HLA-DQB2: variants seen among roughly 807,000 people sequenced by gnomAD.
HLA-DQB2 encodes major histocompatibility complex, class II, DQ beta 2.
A neutral mutation model predicts 29.2 loss-of-function variants in HLA-DQB2; 24 were observed. The ratio of observed to expected loss-of-function variants is 0.82; its 90% confidence interval spans 0.60 to 1.16. The LOEUF is 1.16. Ranked by LOEUF, HLA-DQB2 falls within the 50% of genes most tolerant of loss-of-function variation. The pLI is 0.00. For missense variants in HLA-DQB2, 273 were observed against 343.6 expected (o/e 0.79, Z 1.62); for synonymous variants, 104 against 133.1 (o/e 0.78, Z 1.51).
chr6:32,759,912 T>C (rs1381069966), intron 2 of HLA-DQB2, among the ~76,000 whole-genome samples: 3,220 of 93,890 alleles, frequency 0.034, no homozygotes, highest in Middle Eastern at 0.069. Context: ...CATGAGCCAT[T>C]GTCTGGAAGG....
At position 32,758,916 on chromosome 6, in the gene HLA-DQB2, G is replaced by A. The variant is rs115645516; in HGVS notation, c.580C>T (p.Arg194Cys). 1,536 of 1,613,956 alleles carry A rather than the reference G, an allele frequency of 9.5e-4. 17 individuals carry two copies. The African/African-American group carries it at 0.017, about 18-fold the overall frequency. The change falls in exon 3 of 6, where the codon CGT becomes TGT. Residue 194 changes from arginine to cysteine, a missense_variant. Transcript: ENST00000437316. Reference protein sequence around the residue: ...ILVMLEITPQRGDIYTCQVEH... With the variant: ...ILVMLEITPQCGDIYTCQVEH... ...ACTTGGCAGGTGTAGATGTCTCCAC[G>A]CTGGGGAGTTATTTCCAGCATCACC...
chr6:32,759,935 T>C (rs939610851), intron 2 of HLA-DQB2, among the ~76,000 whole-genome samples: 2 of 152,222 alleles, frequency 1.3e-5, no homozygotes, highest in African/African-American at 4.8e-5. Context: ...TCTTGGTTTC[T>C]GCTTGGACTT....
In HLA-DQB2 at chr6:32,756,777, T is replaced by C. The variant is rs555959976; in HGVS notation, c.782-311A>G. 216 of 1,253,284 alleles carry C rather than the reference T, an allele frequency of 1.7e-4. No homozygotes were observed. In the Middle Eastern group the frequency reaches 1.9e-3, roughly 11 times the overall value. The allele number at this position is 1,253,284 out of a possible 1,614,324, so 77.6% of individuals were successfully genotyped here. A position where few individuals can be genotyped will look rare whatever the true frequency, so the allele number is the denominator to read the frequency against. ...AGCAGCCTCTTTTAGTCACTGAAAA[T>C]GCCTACAGGCAGTAGCTAACAAAAT... is the stretch of plus-strand genomic sequence containing the variant. On this transcript the variant is annotated intron_variant, in intron 5 of 5. Coordinates refer to ENST00000437316, the MANE Select transcript of HLA-DQB2 (RefSeq NM_001300790.2).
In HLA-DQB2 at chr6:32,759,245, C is replaced by A. The variant is rs1173230956; in HGVS notation, c.365-114G>T. ...CCAGAATAGAAAGATACCTGGAGTCCAAGTCTTGGATTAAGGTTCCTTCAA... is the reference window on the plus strand; with the variant it reads ...CCAGAATAGAAAGATACCTGGAGTCAAAGTCTTGGATTAAGGTTCCTTCAA... On this transcript the variant is annotated intron_variant, in intron 2 of 5. Transcript: ENST00000437316. The A allele has an allele frequency of 3.1e-6, 4 of 1,303,016 alleles. No individual in the cohort carries two copies. In the East Asian group the frequency reaches 9.7e-5, roughly 32 times the overall value. 80.7% of individuals were successfully genotyped at this position (1,303,016 alleles called of 1,614,324 possible).
At chr6:32,759,791 T>C (rs1764618309) in intron 2 of HLA-DQB2, among the ~76,000 whole-genome samples, 1 of 152,266 alleles carries the variant, frequency 6.6e-6, no homozygotes, top group African/African-American at 2.4e-5. Context: ...ATAGGAAATA[T>C]TCTGAGATCC....
intron 2 of HLA-DQB2, among the ~76,000 whole-genome samples, chr6:32,760,966 A>T (rs1433095904): frequency 6.6e-6 from 1 of 152,262 alleles, no homozygotes; most frequent in African/African-American, 2.4e-5. Flanking sequence ...GAGTACATTT[A>T]TTCATTAATT....
chr6:32,758,004 C>T lies in HLA-DQB2; in HGVS notation c.647-121G>A, dbSNP rs2113924068. The T allele has an allele frequency of 5.7e-6, 5 of 880,836 alleles. No individual in the cohort carries two copies. In the South Asian group the frequency reaches 9.0e-5, roughly 16 times the overall value. The allele number at this position is 880,836 out of a possible 1,614,324, so 54.6% of individuals were successfully genotyped here. On this transcript the variant is annotated intron_variant, in intron 3 of 5. Coordinates refer to ENST00000437316, the MANE Select transcript of HLA-DQB2 (RefSeq NM_001300790.2). ...CTGACCACCCTAGGGAAGAGAAAGACCAGCCAGTAGGTCTTTGGACACAAT... is the reference window on the plus strand; with the variant it reads ...CTGACCACCCTAGGGAAGAGAAAGATCAGCCAGTAGGTCTTTGGACACAAT...
At chr6:32,760,050 A>G (rs1259923969) in intron 2 of HLA-DQB2, among the ~76,000 whole-genome samples, 1 of 108,070 alleles carries the variant, frequency 9.3e-6, no homozygotes, top group East Asian at 2.8e-4. Flanking sequence ...AAGTAAAAAT[A>G]GAGGGCACAA....
rs754855896 is a variant in HLA-DQB2, at chr6:32,758,877, G to A, written c.619C>T (p.Leu207Phe). 4 of 1,613,898 alleles carry A rather than the reference G, an allele frequency of 2.5e-6. No homozygotes were observed. The highest frequency in any genetic ancestry group is 3.4e-6 in the Non-Finnish European group (4 of 1,179,980). The change falls in exon 3 of 6, where the codon CTC becomes TTC. Residue 207 changes from leucine to phenylalanine, a missense_variant. Coordinates refer to ENST00000437316, the MANE Select transcript of HLA-DQB2 (RefSeq NM_001300790.2). ...CACTCCACGGTGATGGGGCTCTGGAGGCTGGGGTGCTCCACTTGGCAGGTG... is the reference window on the plus strand; with the variant it reads ...CACTCCACGGTGATGGGGCTCTGGAAGCTGGGGTGCTCCACTTGGCAGGTG... The part of the protein sequence containing the change: ...IYTCQVEHPS[L>F]QSPITVEWRA...
rs1764810114 is a variant in HLA-DQB2 at position 32,761,551 on chromosome 6, G to T, written c.364+109C>A. Reference sequence around the variant, plus strand: ...ATCCCCGCCACCTTCCTGTACCCTGGGATGGATCAGGGCTCGGTCCTTGAG... The same window carrying T: ...ATCCCCGCCACCTTCCTGTACCCTGTGATGGATCAGGGCTCGGTCCTTGAG... On this transcript the variant is annotated intron_variant, in intron 2 of 5. Coordinates refer to ENST00000437316, the MANE Select transcript of HLA-DQB2 (RefSeq NM_001300790.2). 11 of 1,245,242 alleles carry T rather than the reference G, an allele frequency of 8.8e-6. No individual in the cohort carries two copies. In the South Asian group the frequency reaches 1.3e-4, roughly 15 times the overall value. The allele number at this position is 1,245,242 out of a possible 1,614,324, so 77.1% of individuals were successfully genotyped here.
chr6:32,757,853 A>C lies in HLA-DQB2; in HGVS notation c.677T>G (p.Met226Arg). ...CACGAAGCCTCCAATGCCACTCAGC[A>C]TCTTGCTCTGGGCAGATTCAGACTG... ...RAQSESAQSK[M>R]LSGIGGFVLG... is the part of the protein sequence containing the mutation. Residue 226 changes from methionine to arginine, a missense_variant, in exon 4 of 6, where the codon ATG becomes AGG. Coordinates refer to ENST00000437316, the MANE Select transcript of HLA-DQB2 (RefSeq NM_001300790.2). 1 of 1,613,706 alleles carries C rather than the reference A, an allele frequency of 6.2e-7. No individual in the cohort carries two copies. The highest frequency in any genetic ancestry group is 1.7e-4 in the Middle Eastern group (1 of 6,060).
rs562922165 is a variant in HLA-DQB2 at position 32,761,584 on chromosome 6, C to T, written c.364+76G>A. 1.8e-4 allele frequency: 263 copies of T among 1,434,342 alleles called. 1 individual carries two copies. In the South Asian group the frequency reaches 3.4e-3, roughly 18 times the overall value. The allele number at this position is 1,434,342 out of a possible 1,614,324, so 88.9% of individuals were successfully genotyped here. A position where few individuals can be genotyped will look rare whatever the true frequency, so the allele number is the denominator to read the frequency against. ...CAGGGCTCGGTCCTTGAGGCCGCGC[C>T]GTCCTCGCCCCTCTGTGCGCAAGAG... On this transcript the variant is annotated intron_variant, in intron 2 of 5. Coordinates refer to ENST00000437316, the MANE Select transcript of HLA-DQB2 (RefSeq NM_001300790.2).
In HLA-DQB2 at chr6:32,761,964, C is replaced by G. The variant is rs1389675599; in HGVS notation, c.98-38G>C. On this transcript the variant is annotated intron_variant, in intron 1 of 5. Transcript: ENST00000437316. ...ACGGCGGGTCAGTCAGGCCCCAGCA[C>G]GGCCCTAGCCCCAGCCCCCAGCCGG... 2.5e-6 allele frequency: 4 copies of G among 1,576,426 alleles called. No individual in the cohort carries two copies. In the South Asian group the frequency reaches 4.6e-5, roughly 18 times the overall value.
intron 3 of HLA-DQB2, 126 bp downstream of exon 3, chr6:32,758,724 C>G: frequency 1.8e-6 from 2 of 1,117,306 alleles, no homozygotes; most frequent in Non-Finnish European, 2.5e-6. Context: ...AACAGGTGCT[C>G]TAGTCTCCTG....
intron 1 of HLA-DQB2, 135 bp downstream of exon 1, chr6:32,763,239 C>CT: frequency 1.6e-6 from 1 of 619,868 alleles, no homozygotes; most frequent in South Asian, 2.1e-5. Flanking sequence ...CAACATAGCT[C>CT]TATTTCCCAA....
In HLA-DQB2 at chr6:32,761,915, C is replaced by G; in HGVS notation, c.109G>C (p.Val37Leu). 1.3e-6 allele frequency: 2 copies of G among 1,561,178 alleles called. No individual in the cohort carries two copies. The highest frequency in any genetic ancestry group is 1.7e-6 in the Non-Finnish European group (2 of 1,150,140). ...EARDFPKDFL[V>L]QFKGMCYFTN... ...AAGTAGCACATGCCCTTAAACTGGA[C>G]CAAGAAATCCTCTGCGGAGAATCAC... is the stretch of plus-strand genomic sequence containing the variant. Residue 37 changes from valine to leucine, a missense_variant, in exon 2 of 6, where the codon GTC becomes CTC. Coordinates refer to ENST00000437316, the MANE Select transcript of HLA-DQB2 (RefSeq NM_001300790.2).
chr6:32,762,196 A>G (rs1313235708), intron 1 of HLA-DQB2, among the ~76,000 whole-genome samples: 1 of 151,994 alleles, frequency 6.6e-6, no homozygotes, highest in African/African-American at 2.4e-5. Flanking sequence ...TCCCTGCCTG[A>G]GCCTGTGAAC....
chr6:32,762,642 A>G (rs1214211462), intron 1 of HLA-DQB2, among the ~76,000 whole-genome samples: 1 of 152,230 alleles, frequency 6.6e-6, no homozygotes, highest in East Asian at 1.9e-4. Flanking sequence ...TATCCATATC[A>G]CAAGTATAAT....
At position 32,757,294 on chromosome 6, in the gene HLA-DQB2, C is replaced by T; in HGVS notation, c.768G>A (p.Gly256=). 1 of 1,549,570 alleles carries T rather than the reference C, an allele frequency of 6.5e-7. No individual in the cohort carries two copies. The highest frequency in any genetic ancestry group is 8.7e-7 in the Non-Finnish European group (1 of 1,146,150). ...CTGAAATATTACCTGCTGGTGGAGGCCCTCGAGGTCCTACAAAAGGAAGTT... is the reference window on the plus strand; with the variant it reads ...CTGAAATATTACCTGCTGGTGGAGGTCCTCGAGGTCCTACAAAAGGAAGTT... The part of the protein sequence containing the change: ...IRHRGQKGPR[G]PPPAGLLH Residue 256 remains glycine (G), a synonymous_variant, in exon 5 of 6, where the codon GGG becomes GGA. Coordinates refer to ENST00000437316, the MANE Select transcript of HLA-DQB2 (RefSeq NM_001300790.2).
Sources: allele counts gnomAD v4.1 joint callset (sites outside exome capture counted in the v4.1 genomes callset), GRCh38; gene constraint gnomAD v4.1.1; transcripts MANE v1.5; gene names NCBI Gene and HGNC (gene_info 2026-07-23, HGNC 2026-07-21).